Variants in LAMB1 observed in about 807,000 individuals in gnomAD.
LAMB1 encodes the protein laminin subunit beta-1.
In LAMB1, 121 loss-of-function variants were observed where a neutral mutation model predicts 222.3. The ratio of observed to expected loss-of-function variants is 0.54; its 90% CI spans 0.47 to 0.63. The LOEUF is 0.63. LAMB1 is among the 30% of genes least tolerant of loss of function. The pLI is 0.00. For missense variants in LAMB1, 2,172 were observed against 2,240.8 expected (o/e 0.97, Z 0.62); for synonymous variants, 794 against 807.2 (o/e 0.98, Z 0.28).
At chr7:107,989,915 C>T (rs922020118) in intron 5 of LAMB1, among the ~76,000 whole-genome samples, 6 of 152,184 alleles carry the variant, frequency 3.9e-5, no homozygotes, top group South Asian at 2.1e-4. Context: ...TTTTACCTAA[C>T]GAATAGAATC....
chr7:107,950,964 T>C (rs369010455), intron 24 of LAMB1: 17 of 302,292 alleles, frequency 5.6e-5, no homozygotes, highest in Non-Finnish European at 8.8e-5. Flanking sequence ...GTGTGTGTGC[T>C]TACACACAGA....
intron 24 of LAMB1, among the ~76,000 whole-genome samples, chr7:107,948,158 C>T (rs1331549565): frequency 2.0e-5 from 3 of 151,764 alleles, no homozygotes; most frequent in Non-Finnish European, 2.9e-5. Context: ...GATTAATTTT[C>T]GTATTTTTAG....
intron 27 of LAMB1, among the ~76,000 whole-genome samples, chr7:107,933,056 A>G (rs1393548412): frequency 6.6e-6 from 1 of 152,228 alleles, no homozygotes; most frequent in Non-Finnish European, 1.5e-5. Flanking sequence ...AGGTAGATGA[A>G]GTGTTCCCAA....
At chr7:108,001,854 C>A in intron 2 of LAMB1, 121 bp from the exon 3 acceptor site, 2 of 1,506,338 alleles carry the variant, frequency 1.3e-6, no homozygotes, top group Non-Finnish European at 1.8e-6. Flanking sequence ...CGGAAGAAAG[C>A]AAAATGCACA....
intron 27 of LAMB1, among the ~76,000 whole-genome samples, chr7:107,934,217 T>G (rs2032784019): frequency 6.6e-6 from 1 of 152,198 alleles, no homozygotes; most frequent in African/African-American, 2.4e-5. Context: ...GTATGAAACC[T>G]AGCAGGCATC....
intron 24 of LAMB1, among the ~76,000 whole-genome samples, chr7:107,950,946 G>GTGTC (rs1460875288): frequency 6.6e-6 from 1 of 151,902 alleles, no homozygotes; most frequent in African/African-American, 2.4e-5. Context: ...GTGTGTGTGT[G>GTGTC]TGTGTGTGTG....
At chr7:107,971,400 G>T (rs894185997) in intron 13 of LAMB1, among the ~76,000 whole-genome samples, 5 of 152,188 alleles carry the variant, frequency 3.3e-5, no homozygotes, top group Admixed American at 6.5e-5. Context: ...CAATCATCCA[G>T]TAAACATTTC....
chr7:107,924,267 A>G lies in LAMB1; in HGVS notation c.5187T>C (p.Leu1729=), dbSNP rs1554401777. Residue 1729 remains leucine (L), a synonymous_variant, in exon 33 of 34, where the codon CTT becomes CTC. Coordinates refer to ENST00000222399, the MANE Select transcript of LAMB1 (RefSeq NM_002291.3). ...GCAGCTTGCTATTTGCTTGAGCTAAAAGAGTTTTTGCTTCATTTTGTAGCA... is the reference window on the plus strand; with the variant it reads ...GCAGCTTGCTATTTGCTTGAGCTAAGAGAGTTTTTGCTTCATTTTGTAGCA... ...AEMLQNEAKT[L]LAQANSKLQL... 8.7e-6 allele frequency: 14 copies of G among 1,612,830 alleles called. No homozygotes were observed. The Middle Eastern group carries it at 5.0e-4, about 57-fold the overall frequency.
intron 29 of LAMB1, 140 bp downstream of exon 29, chr7:107,931,216 G>C: frequency 2.8e-6 from 2 of 703,566 alleles, no homozygotes; most frequent in South Asian, 3.8e-5. Flanking sequence ...AGTTTAAGAA[G>C]TGGAAACATT....
intron 21 of LAMB1, 107 bp from the exon 22 acceptor site, chr7:107,953,861 C>T: frequency 1.1e-6 from 1 of 876,920 alleles, no homozygotes; most frequent in South Asian, 1.5e-5. Flanking sequence ...GGTGCTTCAT[C>T]TTCACTGCAC....
In LAMB1 at chr7:107,986,260, C is replaced by T. The variant is rs1207865578; in HGVS notation, c.527G>A (p.Gly176Asp). Residue 176 changes from glycine (G) to aspartate (D), a missense_variant, in exon 6 of 34, where the codon GGC becomes GAC. Transcript: ENST00000222399. The part of the protein sequence containing the change: ...FAYDCEASFP[G>D]ISTGPMKKVD... ...TTTTTTCATGGGGCCAGTTGAAATG[C>T]CTGGAAACGAGGCCTCACAGTCATA... 1.2e-6 allele frequency: 2 copies of T among 1,613,970 alleles called. No individual in the cohort carries two copies. The highest frequency in any genetic ancestry group is 2.7e-5 in the African/African-American group (2 of 74,892).
In LAMB1 at chr7:107,964,574, G is replaced by A. The variant is rs1417844287; in HGVS notation, c.1676C>T (p.Ala559Val). 26 of 1,613,966 alleles carry A rather than the reference G, an allele frequency of 1.6e-5. No individual in the cohort carries two copies. The highest frequency in any genetic ancestry group is 2.2e-5 in the East Asian group (1 of 44,890). The change falls in exon 14 of 34, where the codon GCG becomes GTG. Residue 559 changes from alanine (A) to valine (V), a missense_variant. By Grantham distance (64) the Ala-to-Val change is moderately conservative (BLOSUM62 0). Coordinates refer to ENST00000222399, the MANE Select transcript of LAMB1 (RefSeq NM_002291.3). ...FATLDHYLYE[A>V]EEANLGPGVS... ...CACAGGCCCCAAGTTGGCTTCCTCC[G>A]CTTCATAGAGGTAGTGATCCAGGGT...
At position 107,961,650 on chromosome 7, in the gene LAMB1, G is replaced by A. The variant is rs759161377; in HGVS notation, c.1884C>T (p.Val628=). ...PQLPDHWEKA[V]ITVQRPGRIP... ...TCCTTCCAGGTCGCTGCACTGTGAT[G>A]ACAGCTTTTTCCCAGTGGTCGGGTA... The change falls in exon 16 of 34, where the codon GTC becomes GTT. Residue 628 remains valine (V), a synonymous_variant. Coordinates refer to ENST00000222399, the MANE Select transcript of LAMB1 (RefSeq NM_002291.3). The A allele has an allele frequency of 1.2e-6, 2 of 1,613,754 alleles. No homozygotes were observed. The highest frequency in any genetic ancestry group is 2.7e-5 in the African/African-American group (2 of 74,918).
rs139561259 is a variant in LAMB1, at chr7:107,935,739, C to T, written c.3947-83G>A. 3.3e-5 allele frequency: 48 copies of T among 1,435,640 alleles called. 1 individual carries two copies. The highest frequency in any genetic ancestry group is 1.3e-4 in the Admixed American group (6 of 44,684). The allele number at this position is 1,435,640 out of a possible 1,614,324, so 88.9% of individuals were successfully genotyped here. A position where few individuals can be genotyped will look rare whatever the true frequency, so the allele number is the denominator to read the frequency against. ...AAGCAGTGTCTATATTTGGTGTCTTCGGGTCCTAAATTTACTGTAAAGTTT... is the reference window on the plus strand; with the variant it reads ...AAGCAGTGTCTATATTTGGTGTCTTTGGGTCCTAAATTTACTGTAAAGTTT... On this transcript the variant is annotated intron_variant, in intron 26 of 33. Coordinates refer to ENST00000222399, the MANE Select transcript of LAMB1 (RefSeq NM_002291.3).
chr7:107,937,181 A>G lies in LAMB1; in HGVS notation c.3858T>C (p.Asp1286=). 1 of 1,614,046 alleles carries G rather than the reference A, an allele frequency of 6.2e-7. No individual in the cohort carries two copies. The highest frequency in any genetic ancestry group is 8.5e-7 in the Non-Finnish European group (1 of 1,179,928). Residue 1286 remains aspartate (D), a synonymous_variant, in exon 26 of 34, where the codon GAT becomes GAC. Transcript: ENST00000222399. ...GGCTTTCGGCTTCTGTCTGTAGAGA[A>G]TCCAGTTCTTTGGCTGTGCTGTTGC... ...SQSNSTAKEL[D]SLQTEAESLD...
At chr7:108,000,536 T>C (rs2034362349) in intron 3 of LAMB1, among the ~76,000 whole-genome samples, 1 of 152,210 alleles carries the variant, frequency 6.6e-6, no homozygotes, top group Non-Finnish European at 1.5e-5. Flanking sequence ...GCCAGAAATA[T>C]CAGCCTTTAT....
At chr7:107,930,493 AAGTC>A (rs2032680302) in intron 29 of LAMB1, among the ~76,000 whole-genome samples, 1 of 152,208 alleles carries the variant, frequency 6.6e-6, no homozygotes, top group South Asian at 2.1e-4. Context: ...ACCTGCCTCT[AAGTC>A]AGGTAAAATT....
At chr7:107,926,460 G>T in intron 31 of LAMB1, 101 bp from the exon 32 acceptor site, 1 of 900,854 alleles carries the variant, frequency 1.1e-6, no homozygotes, top group Non-Finnish European at 1.7e-6. Flanking sequence ...GTGCCATTTT[G>T]CTCTAGACCA....
chr7:107,933,875 C>A (rs1393289159), intron 27 of LAMB1, among the ~76,000 whole-genome samples: 1 of 152,302 alleles, frequency 6.6e-6, no homozygotes, highest in South Asian at 2.1e-4. Flanking sequence ...CCCCACCCAC[C>A]GCCCATGCAT....
Sources: gnomAD v4.1 joint callset for allele counts (sites outside exome capture counted in the v4.1 genomes callset) on GRCh38, gnomAD v4.1.1 for gene constraint, MANE v1.5 for transcripts, NCBI Gene and HGNC (gene_info 2026-07-23, HGNC 2026-07-21) for gene names.